Variants in FAM110B observed in about 807,000 individuals in gnomAD.
The protein encoded by FAM110B is protein FAM110B.
A neutral mutation model predicts 20.4 loss-of-function variants in FAM110B; 6 were observed. That is an observed-to-expected ratio of 0.29 (90% CI 0.16 to 0.58). FAM110B has a LOEUF of 0.58. Ranked by LOEUF, FAM110B falls within the 20% of genes least tolerant of loss-of-function variation. The probability of loss-of-function intolerance (pLI) is 0.90; values close to 1 mark genes in which losing one functional copy is unlikely to be tolerated. For missense variants in FAM110B, 434 were observed against 498.2 expected (o/e 0.87, Z 1.23); for synonymous variants, 226 against 214.1 (o/e 1.06, Z -0.49).
rs549084876 is a variant in FAM110B, at chr8:58,012,234, A to C, written c.-512+17428A>C. Among the ~76,000 whole-genome samples the C allele has an allele frequency of 3.9e-5, 6 of 152,122 alleles. No individual in the cohort carries two copies. The East Asian group carries it at 1.2e-3, about 29-fold the overall frequency. On this transcript the variant is annotated intron_variant, in intron 1 of 3. Coordinates refer to ENST00000519262, the MANE Select transcript of FAM110B (RefSeq NM_001377989.1). ...TATGCTTAAATTTTCTCTAGGTACT[A>C]TAATTTTAATTTTCTGTTTTCCTGA...
Position 58,146,657 on chromosome 8 carries a change from A to G in FAM110B, c.427A>G (p.Asn143Asp), listed in dbSNP as rs201466528. Residue 143 changes from asparagine (N) to aspartate (D), a missense_variant, in exon 4 of 4, where the codon AAC becomes GAC. Around this residue, in one of 3 missense-constraint regions of FAM110B, gnomAD observed 284 missense variants for 278.3 expected, o/e 1.02. Coordinates refer to ENST00000519262, the MANE Select transcript of FAM110B (RefSeq NM_001377989.1). ...SGSGHKHSSR[N>D]WPPHRSEATD... Reference sequence around the variant, plus strand: ...CTCGGGGCACAAGCACAGCTCCCGCAACTGGCCGCCCCACCGGTCGGAAGC... The same window carrying G: ...CTCGGGGCACAAGCACAGCTCCCGCGACTGGCCGCCCCACCGGTCGGAAGC... 1 of 1,613,060 alleles carries G rather than the reference A, an allele frequency of 6.2e-7. No individual in the cohort carries two copies. The highest frequency in any genetic ancestry group is 1.3e-5 in the African/African-American group (1 of 75,012).
chr8:58,105,556 A>ATTTTTTTTTTTTT (rs71557704), intron 3 of FAM110B, among the ~76,000 whole-genome samples: 9 of 94,636 alleles, frequency 9.5e-5, no homozygotes, highest in African/African-American at 1.5e-4. Flanking sequence ...GAATGAATGA[A>ATTTTTTTTTTTTT]TTTTTTTTTT....
intron 1 of FAM110B, among the ~76,000 whole-genome samples, chr8:58,005,402 GA>G (rs34092992): frequency 1.3e-5 from 2 of 152,134 alleles, no homozygotes; most frequent in Non-Finnish European, 2.9e-5. Flanking sequence ...GTATAATAAC[GA>G]AAAAGTTTAA....
intron 2 of FAM110B, among the ~76,000 whole-genome samples, chr8:58,062,045 T>C (rs1190124372): frequency 1.3e-5 from 2 of 152,048 alleles, no homozygotes; most frequent in African/African-American, 2.4e-5. Context: ...ACACGATACA[T>C]TTTTTTTCTG....
At chr8:58,094,266 C>T (rs897290017) in intron 3 of FAM110B, among the ~76,000 whole-genome samples, 1 of 152,130 alleles carries the variant, frequency 6.6e-6, no homozygotes, top group Non-Finnish European at 1.5e-5. Flanking sequence ...ATTGCCCTGG[C>T]CAGAACTTCC....
At chr8:58,130,384 A>C (rs1803420994) in intron 3 of FAM110B, among the ~76,000 whole-genome samples, 1 of 152,244 alleles carries the variant, frequency 6.6e-6, no homozygotes, top group Non-Finnish European at 1.5e-5. Flanking sequence ...CTAAAGTTAG[A>C]GAGACGATTC....
intron 3 of FAM110B, among the ~76,000 whole-genome samples, chr8:58,089,213 G>C (rs1308739633): frequency 6.6e-6 from 1 of 152,176 alleles, no homozygotes; most frequent in Non-Finnish European, 1.5e-5. Context: ...GGTCATCTGT[G>C]GCTAAGCTGT....
In FAM110B at chr8:58,001,913, A is replaced by G. The variant is rs536268114; in HGVS notation, c.-512+7107A>G. On this transcript the variant is annotated intron_variant, in intron 1 of 3. Transcript: ENST00000519262. ...TTGTCTTACATGATTATGGAGGCTG[A>G]GAAGTCCCATGATCTGCTGTCTCCA... Among the ~76,000 whole-genome samples the G allele has an allele frequency of 2.6e-5, 4 of 152,342 alleles. No homozygotes were observed. In the South Asian group the frequency reaches 8.3e-4, roughly 32 times the overall value.
chr8:58,047,508 C>T (rs187801312), intron 2 of FAM110B, among the ~76,000 whole-genome samples: 3 of 151,342 alleles, frequency 2.0e-5, no homozygotes, highest in African/African-American at 7.3e-5. Context: ...CAATGGCATC[C>T]CTGAACTACA....
intron 3 of FAM110B, among the ~76,000 whole-genome samples, chr8:58,111,976 GT>G (rs1807069429): frequency 6.6e-6 from 1 of 152,128 alleles, no homozygotes; most frequent in African/African-American, 2.4e-5. Context: ...AAAGACAAAA[GT>G]TTTTTGGGTT....
chr8:58,047,780 C>A (rs1805359094), intron 2 of FAM110B, among the ~76,000 whole-genome samples: 1 of 151,912 alleles, frequency 6.6e-6, no homozygotes, highest in Admixed American at 6.6e-5. Flanking sequence ...AGAGCTTTTT[C>A]TGGGCTATTC....
chr8:58,080,536 T>C (rs780689816), intron 3 of FAM110B, among the ~76,000 whole-genome samples: 1 of 152,112 alleles, frequency 6.6e-6, no homozygotes, highest in Non-Finnish European at 1.5e-5. Flanking sequence ...CATCTCTAGG[T>C]GTGGACGCAG....
chr8:58,132,902 A>C lies in FAM110B; in HGVS notation c.-324-13005A>C, dbSNP rs186075334. On this transcript the variant is annotated intron_variant, in intron 3 of 3. Coordinates refer to ENST00000519262, the MANE Select transcript of FAM110B (RefSeq NM_001377989.1). The stretch of plus-strand genomic sequence containing the variant: ...TGAGAATAAAATAACTGTTTCTAAA[A>C]GCCAACTCCCTTTTTCACTTTGGGG... Among the ~76,000 whole-genome samples, 400 of 152,384 alleles carry C rather than the reference A, an allele frequency of 2.6e-3. 3 individuals carry two copies. Among genetic ancestry groups the C allele is most frequent in the Non-Finnish European group, 4.0e-3 (269 of 68,036 alleles).
At chr8:58,032,373 T>C (rs1342531247) in intron 2 of FAM110B, 2 of 152,232 alleles carry the variant, frequency 1.3e-5, no homozygotes, top group African/African-American at 2.4e-5. Flanking sequence ...ATGTAAATAT[T>C]GCAAACAAAT....
At chr8:58,135,496 A>T (rs1039847050) in intron 3 of FAM110B, among the ~76,000 whole-genome samples, 4 of 152,334 alleles carry the variant, frequency 2.6e-5, no homozygotes, top group Admixed American at 1.3e-4. Flanking sequence ...TAATTTTATT[A>T]TAACACACAT....
chr8:58,015,973 C>T (rs1458313181), intron 1 of FAM110B, among the ~76,000 whole-genome samples: 2 of 152,046 alleles, frequency 1.3e-5, no homozygotes, highest in Non-Finnish European at 2.9e-5. Flanking sequence ...TTTAACTATT[C>T]CTAACTGTAT....
chr8:58,126,942 C>T (rs1251757497), intron 3 of FAM110B, among the ~76,000 whole-genome samples: 1 of 152,218 alleles, frequency 6.6e-6, no homozygotes, highest in Non-Finnish European at 1.5e-5. Context: ...ATGGATCACT[C>T]TTTTGATGTC....
intron 3 of FAM110B, among the ~76,000 whole-genome samples, chr8:58,143,876 C>G (rs1803796546): frequency 6.6e-6 from 1 of 152,230 alleles, no homozygotes; most frequent in Admixed American, 6.5e-5. Flanking sequence ...AGAACTACAA[C>G]TCATCTTCAG....
chr8:58,006,338 G>A (rs1804400241), intron 1 of FAM110B, among the ~76,000 whole-genome samples: 1 of 152,122 alleles, frequency 6.6e-6, no homozygotes, highest in Non-Finnish European at 1.5e-5. Context: ...GTTCCTCTTT[G>A]GTCCAGGAGT....
Sources: allele counts gnomAD v4.1 joint callset (sites outside exome capture counted in the v4.1 genomes callset), GRCh38; gene constraint gnomAD v4.1.1; regional missense constraint gnomAD v4.1.1; transcripts MANE v1.5; gene names NCBI Gene and HGNC (gene_info 2026-07-23, HGNC 2026-07-21).